PTPRT: variants seen among roughly 807,000 people sequenced by gnomAD.
PTPRT encodes protein tyrosine phosphatase receptor type T, also known as receptor-type tyrosine-protein phosphatase T.
A neutral mutation model predicts 176.8 loss-of-function variants in PTPRT; 56 were observed. That is an observed-to-expected ratio of 0.32 (90% confidence interval 0.26 to 0.40). The LOEUF is 0.40. PTPRT is among the 10% of genes least tolerant of loss of function. PTPRT has a pLI of 1.00. For synonymous variants in PTPRT, 783 were observed against 739.0 expected (o/e 1.06, Z -0.96); for missense variants, 1,540 against 1,908.2 (o/e 0.81, Z 3.60).
chr20:42,686,659 A>AT (rs1177204327), intron 6 of PTPRT, among the ~76,000 whole-genome samples: 1 of 151,084 alleles, frequency 6.6e-6, no homozygotes, highest in African/African-American at 2.4e-5. Flanking sequence ...TGCCCGGCTA[A>AT]TTTTTTATAT....
intron 9 of PTPRT, among the ~76,000 whole-genome samples, chr20:42,382,726 A>C (rs2145638339): frequency 6.6e-6 from 1 of 152,194 alleles, no homozygotes; most frequent in Middle Eastern, 3.4e-3. Context: ...GAGGAACCAG[A>C]GCATGCTGTC....
chr20:42,294,424 T>A (rs1362859941), intron 12 of PTPRT, among the ~76,000 whole-genome samples: 6 of 152,030 alleles, frequency 3.9e-5, no homozygotes, highest in Admixed American at 3.9e-4. Flanking sequence ...AAAGTGGGAA[T>A]TTTTAGAATC....
intron 1 of PTPRT, among the ~76,000 whole-genome samples, chr20:43,046,474 CAGG>C (rs1986843734): frequency 6.6e-6 from 1 of 151,012 alleles, no homozygotes; most frequent in Non-Finnish European, 1.5e-5. Context: ...GAGGCTGAGG[CAGG>C]AGAATGGCGT....
intron 11 of PTPRT, among the ~76,000 whole-genome samples, chr20:42,316,945 ATGGGACTACTCTTTCAC>A (rs1317921020): frequency 1.2e-4 from 19 of 152,242 alleles, no homozygotes; most frequent in Non-Finnish European, 1.2e-4. Context: ...ATATCATGAG[ATGGGACTACTCTTTCAC>A]TGGCTAGATT....
rs62203511 is a variant in PTPRT at position 42,457,967 on chromosome 20, A to T, written c.1451-9638T>A. 8.8e-3 allele frequency among the ~76,000 whole-genome samples: 1,329 copies of T among 151,784 alleles called. 11 individuals are homozygous for T. Among genetic ancestry groups the T allele is most frequent in the Middle Eastern group, 0.014 (4 of 294 alleles). On this transcript the variant is annotated intron_variant, in intron 8 of 30. Transcript: ENST00000373187. ...GGGCACTGACCTCTCTCCTTTCCCC[A>T]CTCCCATCCACCAGCTCCAACGCCC...
chr20:42,844,100 G>T (rs183026791), intron 2 of PTPRT, among the ~76,000 whole-genome samples: 2 of 152,312 alleles, frequency 1.3e-5, no homozygotes, highest in East Asian at 3.9e-4. Flanking sequence ...AGAAGGAAAG[G>T]CCTGTTTTTT....
chr20:42,197,810 T>C (rs904188706), intron 16 of PTPRT, among the ~76,000 whole-genome samples: 5 of 151,946 alleles, frequency 3.3e-5, no homozygotes, highest in African/African-American at 1.2e-4. Flanking sequence ...ATGGTAGCAG[T>C]TGGTGAATCT....
intron 6 of PTPRT, among the ~76,000 whole-genome samples, chr20:42,704,857 C>T (rs1476097753): frequency 6.6e-6 from 1 of 152,138 alleles, no homozygotes; most frequent in African/African-American, 2.4e-5. Flanking sequence ...AAATGAATAC[C>T]TTTCCTATTC....
chr20:43,174,631 C>T (rs2146467456), intron 1 of PTPRT, among the ~76,000 whole-genome samples: 1 of 152,294 alleles, frequency 6.6e-6, no homozygotes, highest in African/African-American at 2.4e-5. Context: ...GCCAAATGCT[C>T]TTCTCCTCTG....
chr20:42,748,559 C>T (rs145995176), intron 6 of PTPRT, among the ~76,000 whole-genome samples: 28 of 152,274 alleles, frequency 1.8e-4, no homozygotes, highest in African/African-American at 6.7e-4. Context: ...CCTTAGAAGG[C>T]CACAGAGGCT....
chr20:43,174,637 C>T (rs536557585), intron 1 of PTPRT, among the ~76,000 whole-genome samples: 4 of 152,156 alleles, frequency 2.6e-5, no homozygotes, highest in Admixed American at 6.5e-5. Flanking sequence ...TGCTCTTCTC[C>T]TCTGTATACT....
At chr20:42,182,166 A>G (rs1990551638) in intron 16 of PTPRT, among the ~76,000 whole-genome samples, 1 of 152,214 alleles carries the variant, frequency 6.6e-6, no homozygotes, top group Non-Finnish European at 1.5e-5. Flanking sequence ...AGATGCTGAC[A>G]GAAGTCATGT....
intron 4 of PTPRT, among the ~76,000 whole-genome samples, chr20:42,776,796 A>G (rs1012374239): frequency 2.0e-5 from 3 of 148,456 alleles, no homozygotes; most frequent in Non-Finnish European, 4.5e-5. Context: ...ATATGATTAT[A>G]TAATTATTTA....
chr20:42,603,903 A>G (rs1297961110), intron 7 of PTPRT, among the ~76,000 whole-genome samples: 1 of 152,192 alleles, frequency 6.6e-6, no homozygotes, highest in Non-Finnish European at 1.5e-5. Flanking sequence ...GCTCTTCTCA[A>G]CCTGGGGCTC....
intron 12 of PTPRT, among the ~76,000 whole-genome samples, chr20:42,295,918 T>A (rs1007126895): frequency 6.6e-6 from 1 of 152,220 alleles, no homozygotes; most frequent in Non-Finnish European, 1.5e-5. Context: ...TGCCACCTTG[T>A]GAAGGACATG....
chr20:43,098,751 G>A (rs1418054980), intron 1 of PTPRT, among the ~76,000 whole-genome samples: 1 of 152,144 alleles, frequency 6.6e-6, no homozygotes, highest in Non-Finnish European at 1.5e-5. Flanking sequence ...GCTAAGCACA[G>A]TGACTGTCTA....
At chr20:42,409,352 C>T (rs185791178) in intron 9 of PTPRT, among the ~76,000 whole-genome samples, 29 of 151,562 alleles carry the variant, frequency 1.9e-4, no homozygotes, top group African/African-American at 6.3e-4. Flanking sequence ...CATGGTGTCT[C>T]GCGCCTGTAG....
chr20:42,454,316 G>T (rs2070884224), intron 8 of PTPRT, among the ~76,000 whole-genome samples: 2 of 152,124 alleles, frequency 1.3e-5, no homozygotes, highest in Non-Finnish European at 2.9e-5. Context: ...TTGTATATTT[G>T]ATTGAACATA....
At chr20:43,160,094 A>G (rs1457769940) in intron 1 of PTPRT, among the ~76,000 whole-genome samples, 1 of 152,140 alleles carries the variant, frequency 6.6e-6, no homozygotes, top group Non-Finnish European at 1.5e-5. Context: ...CAGCCCATAC[A>G]GCAGAACAGA....
Sources: gnomAD v4.1 joint callset for allele counts (sites outside exome capture counted in the v4.1 genomes callset) on GRCh38, gnomAD v4.1.1 for gene constraint, MANE v1.5 for transcripts, NCBI Gene and HGNC (gene_info 2026-07-23, HGNC 2026-07-21) for gene names.